PSMA1: variants seen among roughly 807,000 people sequenced by gnomAD.
PSMA1 encodes the protein proteasome 20S subunit alpha 1, also known as proteasome subunit alpha type-1.
In PSMA1, 3 loss-of-function variants were observed where a neutral mutation model predicts 38.4. The observed-to-expected ratio is 0.08, with a 90% confidence interval of 0.04 to 0.20. The LOEUF is 0.20. PSMA1 is among the 10% of genes least tolerant of loss of function. PSMA1 has a pLI of 1.00. For missense variants in PSMA1, 227 were observed against 325.3 expected (o/e 0.70, Z 2.32); for synonymous variants, 101 against 107.1 (o/e 0.94, Z 0.35).
chr11:14,638,583 ATATTTTTTTTTTTTTTTT>A (rs1853157015), intron 1 of PSMA1, among the ~76,000 whole-genome samples: 1 of 7,496 alleles, frequency 1.3e-4, no homozygotes, highest in Non-Finnish European at 2.3e-4. Context: ...ATATATATAT[ATATTTTTTTTTTTTTTTT>A]TTTTTTTTTT....
In PSMA1 at chr11:14,610,882, T is replaced by C. The variant is rs947222666; in HGVS notation, c.21+84A>G. The C allele has an allele frequency of 8.4e-6, 12 of 1,421,198 alleles. No individual in the cohort carries two copies. The African/African-American group carries it at 1.7e-4, about 20-fold the overall frequency. The allele number at this position is 1,421,198 out of a possible 1,614,324, so 88.0% of individuals were successfully genotyped here. On this transcript the variant is annotated intron_variant, in intron 2 of 10. Transcript: ENST00000418988. ...GATGCGTTTTTCTCACATGCTCCTC[T>C]AGGTTTTGTTTTGTGGGGGCTCACA...
At chr11:14,629,771 T>C (rs1852973698) in intron 1 of PSMA1, among the ~76,000 whole-genome samples, 1 of 150,530 alleles carries the variant, frequency 6.6e-6, no homozygotes, top group Non-Finnish European at 1.5e-5. Context: ...TATGGCCATT[T>C]TCACGATATT....
chr11:14,576,824 T>C (rs1426499956), intron 2 of PSMA1, among the ~76,000 whole-genome samples: 4 of 152,206 alleles, frequency 2.6e-5, no homozygotes, highest in African/African-American at 9.7e-5. Flanking sequence ...AAGAAAGTCA[T>C]TGGTAGCTTG....
intron 2 of PSMA1, among the ~76,000 whole-genome samples, chr11:14,561,836 AAACT>A (rs1174675488): frequency 6.6e-6 from 1 of 151,976 alleles, no homozygotes; most frequent in African/African-American, 2.4e-5. Context: ...AAACTAAACT[AAACT>A]AAACTAAACT....
chr11:14,630,423 C>A (rs1410182110), intron 1 of PSMA1, among the ~76,000 whole-genome samples: 1 of 152,150 alleles, frequency 6.6e-6, no homozygotes, highest in East Asian at 1.9e-4. Flanking sequence ...TTGAGATAAT[C>A]ATCTGGTTTT....
intron 2 of PSMA1, among the ~76,000 whole-genome samples, chr11:14,560,001 A>C (rs926562440): frequency 6.6e-6 from 1 of 152,178 alleles, no homozygotes; most frequent in African/African-American, 2.4e-5. Flanking sequence ...TTTGAAGCAA[A>C]GAAGGCTGGG....
At chr11:14,524,934 C>A (rs1424580935), upstream of PSMA1, among the ~76,000 whole-genome samples, 1 of 152,164 alleles carries the variant, frequency 6.6e-6, no homozygotes, top group Non-Finnish European at 1.5e-5. Context: ...TCCCAGATCT[C>A]GGCTTAGCGG....
chr11:14,510,072 C>A (rs1287584112), intron 8 of PSMA1, among the ~76,000 whole-genome samples: 1 of 152,180 alleles, frequency 6.6e-6, no homozygotes, highest in African/African-American at 2.4e-5. Context: ...AAAACCTAAA[C>A]CAAATCATGG....
Position 14,643,143 on chromosome 11 carries a change from C to T in PSMA1, c.-166+312G>A, listed in dbSNP as rs564287466. On this transcript the variant is annotated intron_variant, in intron 1 of 10. Coordinates refer to the PSMA1 transcript ENST00000418988. ...GCTACTAGAGTGCACTCCACGTGCA[C>T]GTTCCTCCCTAAGAGCCACTGCAAG... Among the ~76,000 whole-genome samples the T allele has an allele frequency of 3.3e-5, 5 of 151,100 alleles. No homozygotes were observed. The South Asian group carries it at 1.1e-3, about 32-fold the overall frequency.
chr11:14,539,209 T>C (rs935674689), intron 2 of PSMA1, among the ~76,000 whole-genome samples: 2 of 152,236 alleles, frequency 1.3e-5, no homozygotes, highest in Non-Finnish European at 2.9e-5. Context: ...AGGGTGCTTC[T>C]CAGTTGGCCG....
intron 1 of PSMA1, among the ~76,000 whole-genome samples, chr11:14,630,560 G>A (rs565353100): frequency 6.1e-4 from 92 of 151,870 alleles, no homozygotes; most frequent in African/African-American, 2.1e-3. Flanking sequence ...TGCTGGATTC[G>A]GTTTGCCAGT....
chr11:14,511,740 A>C (rs183478331), intron 7 of PSMA1, among the ~76,000 whole-genome samples: 5 of 152,362 alleles, frequency 3.3e-5, no homozygotes, highest in Non-Finnish European at 7.3e-5. Flanking sequence ...CCTTAAGTTT[A>C]GGAACAAAAA....
upstream of PSMA1, chr11:14,520,547 C>T: frequency 7.6e-7 from 1 of 1,323,124 alleles, no homozygotes. Context: ...GAAAACCTGG[C>T]TGGGAGTGCC....
At position 14,557,120 on chromosome 11, in the gene PSMA1, C is replaced by T. The variant is rs150306800; in HGVS notation, c.22-38079G>A. On this transcript the variant is annotated intron_variant, in intron 2 of 10. Coordinates refer to the PSMA1 transcript ENST00000418988. ...AAAGTTCTGGGAATCCAGGCATAAG[C>T]GACTGCACCCTGCTCATTCTTTCTA... Among the ~76,000 whole-genome samples, 45 of 152,328 alleles carry T rather than the reference C, an allele frequency of 3.0e-4. No homozygotes were observed. The East Asian group carries it at 3.1e-3, about 10-fold the overall frequency.
chr11:14,623,234 A>T (rs550180457), intron 1 of PSMA1, among the ~76,000 whole-genome samples: 1 of 152,242 alleles, frequency 6.6e-6, no homozygotes, highest in Non-Finnish European at 1.5e-5. Context: ...TCCTATGGCC[A>T]TATGGGGGCC....
intron 1 of PSMA1, among the ~76,000 whole-genome samples, chr11:14,627,527 T>A (rs1852928741): frequency 6.6e-6 from 1 of 152,244 alleles, no homozygotes; most frequent in Non-Finnish European, 1.5e-5. Context: ...TGGAGTTCCA[T>A]GGCCTGGGTT....
intron 2 of PSMA1, among the ~76,000 whole-genome samples, chr11:14,525,875 A>C (rs962362621): frequency 6.6e-6 from 1 of 152,036 alleles, no homozygotes. Context: ...CCCTTGATTT[A>C]CTTTCTTTCC....
intron 9 of PSMA1, among the ~76,000 whole-genome samples, chr11:14,506,226 A>G (rs1409437316): frequency 6.6e-6 from 1 of 152,214 alleles, no homozygotes; most frequent in African/African-American, 2.4e-5. Context: ...CCTAAATATC[A>G]TTGAACAATT....
chr11:14,517,628 A>G lies in PSMA1; in HGVS notation c.254+14T>C. 1 of 1,501,966 alleles carries G rather than the reference A, an allele frequency of 6.7e-7. No homozygotes were observed. The highest frequency in any genetic ancestry group is 9.0e-7 in the Non-Finnish European group (1 of 1,114,746). 93.0% of individuals were successfully genotyped at this position (1,501,966 alleles called of 1,614,324 possible). ...GAAACAAAAAGGATGTTTATTTTTC[A>G]TGATTATACTTACCATAACAGTCTA... On this transcript the variant is annotated intron_variant, in intron 4 of 9. Transcript: ENST00000396394.
Sources: gnomAD v4.1 joint callset for allele counts (sites outside exome capture counted in the v4.1 genomes callset) on GRCh38, gnomAD v4.1.1 for gene constraint, MANE v1.5 for transcripts, NCBI Gene and HGNC (gene_info 2026-07-23, HGNC 2026-07-21) for gene names.